NTN4: variants seen among roughly 807,000 people sequenced by gnomAD.
The protein encoded by NTN4 is netrin-4.
NTN4 carries 32 observed loss-of-function variants against 73.6 expected under a neutral mutation model. The ratio of observed to expected loss-of-function variants is 0.44; its 90% CI spans 0.33 to 0.58. NTN4 has a LOEUF of 0.58. NTN4 is among the 20% of genes least tolerant of loss of function. The probability of loss-of-function intolerance (pLI) is 0.04; values close to 1 mark genes in which losing one functional copy is unlikely to be tolerated. For synonymous variants in NTN4, 258 were observed against 287.5 expected (o/e 0.90, Z 1.04); for missense variants, 654 against 798.3 (o/e 0.82, Z 2.18).
At chr12:95,659,582 G>C (rs974209259) in intron 9 of NTN4, among the ~76,000 whole-genome samples, 9 of 152,066 alleles carry the variant, frequency 5.9e-5, no homozygotes, top group Admixed American at 1.3e-4. Context: ...ACAGGTGTGA[G>C]CCACCACGCC....
In NTN4 at chr12:95,789,305, G is replaced by C. The variant is rs529384634; in HGVS notation, c.55+950C>G. On this transcript the variant is annotated intron_variant, in intron 1 of 9. Transcript: ENST00000343702. The surrounding 1 kb of genome is among the most constrained non-coding windows in gnomAD (Gnocchi z 4.0). Reference sequence around the variant, plus strand: ...GAGATGCGTGCTACAATGTTCTGTAGCCACCAGCGCATCCCTCTAGCCCAG... The same window carrying C: ...GAGATGCGTGCTACAATGTTCTGTACCCACCAGCGCATCCCTCTAGCCCAG... Among the ~76,000 whole-genome samples, 2 of 152,184 alleles carry C rather than the reference G, an allele frequency of 1.3e-5. No homozygotes were observed. Among genetic ancestry groups the C allele is most frequent in the Non-Finnish European group, 2.9e-5 (2 of 68,026 alleles).
chr12:95,754,509 G>GTA (rs1565908776), intron 2 of NTN4, among the ~76,000 whole-genome samples: 1 of 152,128 alleles, frequency 6.6e-6, no homozygotes, highest in East Asian at 1.9e-4. Flanking sequence ...TGACTTGCAC[G>GTA]TATACGCCCA....
chr12:95,695,998 CCCCTTT>C (rs1285958886), intron 5 of NTN4, among the ~76,000 whole-genome samples: 3 of 148,988 alleles, frequency 2.0e-5, no homozygotes, highest in Non-Finnish European at 3.0e-5. Flanking sequence ...CCTTCCCCTT[CCCCTTT>C]CCCTCCCTCC....
At chr12:95,762,105 G>C (rs1404046052) in intron 2 of NTN4, among the ~76,000 whole-genome samples, 1 of 152,162 alleles carries the variant, frequency 6.6e-6, no homozygotes, top group Non-Finnish European at 1.5e-5. Context: ...AACGAATTGA[G>C]TTTCTTGTTG....
At chr12:95,730,569 T>A (rs904579587) in intron 3 of NTN4, among the ~76,000 whole-genome samples, 3 of 152,192 alleles carry the variant, frequency 2.0e-5, no homozygotes, top group Non-Finnish European at 2.9e-5. Context: ...AAAGTATATC[T>A]TACTGTGTGG....
intron 5 of NTN4, among the ~76,000 whole-genome samples, chr12:95,706,341 T>C (rs566884579): frequency 6.6e-6 from 1 of 152,310 alleles, no homozygotes; most frequent in East Asian, 1.9e-4. Context: ...GGCTCCAACT[T>C]TGCCAGTAAG....
intron 8 of NTN4, 126 bp downstream of exon 8, chr12:95,669,952 T>C (rs2078214629): frequency 3.6e-6 from 2 of 548,336 alleles, no homozygotes; most frequent in African/African-American, 3.9e-5. Context: ...AGTGTTATTA[T>C]GTAAGACTAA....
intron 3 of NTN4, among the ~76,000 whole-genome samples, chr12:95,724,731 C>T (rs2078678951): frequency 6.6e-6 from 1 of 152,144 alleles, no homozygotes; most frequent in African/African-American, 2.4e-5. Flanking sequence ...TATCTCAATA[C>T]ACAGCCAAGT....
At chr12:95,758,131 G>T (rs570181691) in intron 2 of NTN4, among the ~76,000 whole-genome samples, 21 of 152,320 alleles carry the variant, frequency 1.4e-4, no homozygotes, top group African/African-American at 4.6e-4. Flanking sequence ...ATGGTAAGTG[G>T]ATATTTATAA....
intron 2 of NTN4, among the ~76,000 whole-genome samples, chr12:95,756,186 A>T (rs2078945905): frequency 1.3e-5 from 2 of 152,266 alleles, no homozygotes; most frequent in Admixed American, 1.3e-4. Flanking sequence ...CTGGATTAAA[A>T]TTAAAAACAT....
chr12:95,686,494 C>T (rs1057487668), intron 5 of NTN4, among the ~76,000 whole-genome samples: 4 of 152,100 alleles, frequency 2.6e-5, no homozygotes, highest in East Asian at 1.9e-4. Context: ...CGTGGTGGCT[C>T]ACACCTGTAA....
chr12:95,682,056 G>GGTTTTTTTTT (rs1349857597), intron 7 of NTN4, among the ~76,000 whole-genome samples: 1 of 37,960 alleles, frequency 2.6e-5, no homozygotes. Context: ...TATTCAGTAG[G>GGTTTTTTTTT]CTTTTTTTTT....
At chr12:95,665,587 T>C in intron 9 of NTN4, 2 of 386,328 alleles carry the variant, frequency 5.2e-6, no homozygotes, top group Non-Finnish European at 9.2e-6. Context: ...GAGTATTATA[T>C]TTCTGGATTT....
chr12:95,688,410 G>T (rs2078378043), intron 5 of NTN4, among the ~76,000 whole-genome samples: 1 of 152,132 alleles, frequency 6.6e-6, no homozygotes, highest in South Asian at 2.1e-4. Context: ...TATTCACAAA[G>T]ATCTAGAAGA....
At chr12:95,786,608 T>C (rs752091350) in intron 2 of NTN4, among the ~76,000 whole-genome samples, 1 of 152,182 alleles carries the variant, frequency 6.6e-6, no homozygotes, top group Non-Finnish European at 1.5e-5. Flanking sequence ...ACTGTCTCAG[T>C]AACTCTTCCC....
intron 9 of NTN4, among the ~76,000 whole-genome samples, chr12:95,661,474 C>T (rs1592803967): frequency 6.6e-6 from 1 of 152,286 alleles, no homozygotes. Flanking sequence ...TAGAATGCTA[C>T]ATAATATCAC....
chr12:95,758,883 T>C (rs2078965445), intron 2 of NTN4, among the ~76,000 whole-genome samples: 1 of 152,232 alleles, frequency 6.6e-6, no homozygotes, highest in Admixed American at 6.5e-5. Flanking sequence ...ATGTTCAGTT[T>C]ACCAGTATTT....
intron 5 of NTN4, among the ~76,000 whole-genome samples, chr12:95,695,783 A>C (rs2078436893): frequency 6.6e-6 from 1 of 152,076 alleles, no homozygotes; most frequent in Admixed American, 6.5e-5. Context: ...TATCTAAGAG[A>C]TCTTAGGCAG....
intron 7 of NTN4, among the ~76,000 whole-genome samples, chr12:95,681,910 C>T (rs996597847): frequency 2.0e-5 from 3 of 152,014 alleles, no homozygotes; most frequent in East Asian, 3.8e-4. Context: ...TGTAGAATTA[C>T]TTTTGCTTTC....
Sources: allele counts gnomAD v4.1 joint callset (sites outside exome capture counted in the v4.1 genomes callset), GRCh38; gene constraint gnomAD v4.1.1; non-coding constraint Gnocchi (gnomAD v3.1); transcripts MANE v1.5; gene names NCBI Gene and HGNC (gene_info 2026-07-23, HGNC 2026-07-21).